The following VIPR2 variants were observed in gnomAD, a reference collection of about 807,000 sequenced individuals.
VIPR2 encodes vasoactive intestinal peptide receptor 2, also known as vasoactive intestinal polypeptide receptor 2.
Under a neutral mutation model 58.0 loss-of-function variants are expected in VIPR2, and 48 were observed. The observed-to-expected ratio is 0.83, with a 90% CI of 0.66 to 1.05. The LOEUF is 1.05. Among genes scored for constraint, VIPR2 ranks in the 50% least tolerant of loss-of-function variants. The probability of loss-of-function intolerance (pLI) is 0.00; values close to 1 mark genes in which losing one functional copy is unlikely to be tolerated. For synonymous variants in VIPR2, 243 were observed against 235.2 expected, an observed-to-expected ratio of 1.03 and a Z score of -0.30; for missense variants, 534 against 558.0, an observed-to-expected ratio of 0.96 and a Z score of 0.43.
At position 159,127,072 on chromosome 7, in the gene VIPR2, C is replaced by T. The variant is rs924098371; in HGVS notation, c.151+15374G>A. Among the ~76,000 whole-genome samples the T allele has an allele frequency of 2.6e-5, 4 of 152,296 alleles. No individual in the cohort carries two copies. Among genetic ancestry groups the T allele is most frequent in the Admixed American group, 2.0e-4 (3 of 15,310 alleles). On this transcript the variant is annotated intron_variant, in intron 2 of 12. Transcript: ENST00000262178. This position sits in a 1 kb window ranked among gnomAD's most constrained non-coding sequence, Gnocchi z 4.6. ...GGAGACAATGCCCCACAGCAGAGCG[C>T]GGTCTCCAAACGTGTTTAGAATGCT...
intron 4 of VIPR2, among the ~76,000 whole-genome samples, chr7:159,070,046 C>CGGTA (rs1349863185): frequency 1.3e-5 from 2 of 152,134 alleles, no homozygotes; most frequent in African/African-American, 4.8e-5. Context: ...TTGCTTTGTC[C>CGGTA]GGTACCTCCA....
intron 2 of VIPR2, among the ~76,000 whole-genome samples, chr7:159,122,914 C>T (rs576989000): frequency 4.6e-4 from 70 of 152,170 alleles, no homozygotes; most frequent in African/African-American, 1.7e-3. Context: ...GTCATGGGAG[C>T]TTGTTGTGCA....
intron 7 of VIPR2, 24 bp from the exon 8 acceptor site, chr7:159,036,036 C>T (rs1280038946): frequency 6.2e-7 from 1 of 1,610,156 alleles, no homozygotes; most frequent in African/African-American, 1.3e-5. Context: ...CCTGGTTACA[C>T]AGGTGGAGCG....
chr7:159,124,041 A>G (rs1337789470), intron 2 of VIPR2, among the ~76,000 whole-genome samples: 1 of 152,144 alleles, frequency 6.6e-6, no homozygotes, highest in East Asian at 1.9e-4. Flanking sequence ...TAGATGCTGG[A>G]TATTAGACCT....
At chr7:159,042,814 C>T (rs541540544) in intron 6 of VIPR2, among the ~76,000 whole-genome samples, 6 of 152,280 alleles carry the variant, frequency 3.9e-5, no homozygotes, top group Non-Finnish European at 8.8e-5. Context: ...CCTGATGATG[C>T]CTGGGAACCC....
chr7:159,097,429 C>T lies in VIPR2; in HGVS notation c.357+6328G>A, dbSNP rs1208593920. 2.0e-5 allele frequency among the ~76,000 whole-genome samples: 3 copies of T among 152,202 alleles called. No homozygotes were observed. The highest frequency in any genetic ancestry group is 2.9e-5 in the Non-Finnish European group (2 of 68,034). ...AGACTTACGGGAGCCGGCCCCCTCGCGTGCCCACCACGGTGTGCTGCTGAG... is the reference window on the plus strand; with the variant it reads ...AGACTTACGGGAGCCGGCCCCCTCGTGTGCCCACCACGGTGTGCTGCTGAG... On this transcript the variant is annotated intron_variant, in intron 4 of 12. Transcript: ENST00000262178. The surrounding 1 kb of genome is among the most constrained non-coding windows in gnomAD (Gnocchi z 5.3).
intron 2 of VIPR2, among the ~76,000 whole-genome samples, chr7:159,125,024 G>A (rs963109469): frequency 1.3e-5 from 2 of 152,182 alleles, no homozygotes; most frequent in Non-Finnish European, 2.9e-5. Context: ...ATCAGCTGAA[G>A]GAGCTTTTCG....
intron 3 of VIPR2, among the ~76,000 whole-genome samples, chr7:159,107,867 C>T (rs2129496177): frequency 6.6e-6 from 1 of 152,352 alleles, no homozygotes; most frequent in East Asian, 1.9e-4. Flanking sequence ...TGTGATGATG[C>T]ACAGTGCCGG....
Position 159,043,080 on chromosome 7 carries a change from G to T in VIPR2, c.552C>A (p.Tyr184Ter), listed in dbSNP as rs769463655. The T allele has an allele frequency of 1.7e-5, 27 of 1,614,086 alleles. No homozygotes were observed. The highest frequency in any genetic ancestry group is 2.2e-5 in the Non-Finnish European group (26 of 1,180,052). Reference protein sequence around the residue: ...ISVLVKDDVLYSSSGTLHCPD... With the variant: ...ISVLVKDDVL ...GGCAGTGCAACGTGCCAGAGCTGGAGTAGAGAACGTCGTCCTTGACCAGCA... is the reference window on the plus strand; with the variant it reads ...GGCAGTGCAACGTGCCAGAGCTGGATTAGAGAACGTCGTCCTTGACCAGCA... The change falls in exon 6 of 13, where the codon TAC (tyrosine) becomes TAA (stop). Residue 184 changes from tyrosine to a stop codon, truncating the protein, a stop_gained. Coordinates refer to ENST00000262178, the MANE Select transcript of VIPR2 (RefSeq NM_003382.5). LOFTEE classifies it high-confidence loss of function.
intron 4 of VIPR2, among the ~76,000 whole-genome samples, chr7:159,081,617 T>C (rs1856907334): frequency 6.6e-6 from 1 of 151,986 alleles, no homozygotes; most frequent in Non-Finnish European, 1.5e-5. Context: ...AATTGACAAA[T>C]GGGATCTAAT....
intron 2 of VIPR2, among the ~76,000 whole-genome samples, chr7:159,114,713 G>A (rs564089138): frequency 6.6e-6 from 1 of 152,170 alleles, no homozygotes; most frequent in East Asian, 1.9e-4. Flanking sequence ...GGCTGAGGTA[G>A]GAGGATTGCT....
At chr7:159,047,034 A>G (rs1055528392) in intron 5 of VIPR2, among the ~76,000 whole-genome samples, 1 of 152,336 alleles carries the variant, frequency 6.6e-6, no homozygotes, top group Admixed American at 6.5e-5. Context: ...CAGGAGTTCA[A>G]GACCAGCCTG....
rs1336155819 is a variant in VIPR2, at chr7:159,098,292, T to C, written c.357+5465A>G. On this transcript the variant is annotated intron_variant, in intron 4 of 12. Coordinates refer to ENST00000262178, the MANE Select transcript of VIPR2 (RefSeq NM_003382.5). The surrounding 1 kb of genome is among the most constrained non-coding windows in gnomAD (Gnocchi z 5.2). Reference sequence around the variant, plus strand: ...CGAGCCCTCAGTCTGCTGGTGGTGGTGCTCGAGAACTGTGGCTTACAGTGC... The same window carrying C: ...CGAGCCCTCAGTCTGCTGGTGGTGGCGCTCGAGAACTGTGGCTTACAGTGC... Among the ~76,000 whole-genome samples, 1 of 152,060 alleles carries C rather than the reference T, an allele frequency of 6.6e-6. No individual in the cohort carries two copies. The highest frequency in any genetic ancestry group is 2.4e-5 in the African/African-American group (1 of 41,432).
At chr7:159,055,249 A>G (rs1006986778) in intron 5 of VIPR2, among the ~76,000 whole-genome samples, 1 of 152,230 alleles carries the variant, frequency 6.6e-6, no homozygotes, top group Non-Finnish European at 1.5e-5. Flanking sequence ...ACGTTTTCAA[A>G]AAGAGAAAAG....
At chr7:159,049,824 C>CAAACCAGA (rs1854879696) in intron 5 of VIPR2, among the ~76,000 whole-genome samples, 1 of 152,168 alleles carries the variant, frequency 6.6e-6, no homozygotes, top group South Asian at 2.1e-4. Context: ...AGAGTAACAA[C>CAAACCAGA]AAACCAGAGA....
chr7:159,132,265 T>G (rs1466320253), intron 2 of VIPR2, among the ~76,000 whole-genome samples: 2 of 142,896 alleles, frequency 1.4e-5, no homozygotes, highest in East Asian at 2.0e-4. Context: ...CTGCACCCAC[T>G]GCTGTCTTGC....
At chr7:159,037,050 C>T (rs1854012874) in intron 6 of VIPR2, 148 bp from the exon 7 acceptor site, 2 of 1,022,322 alleles carry the variant, frequency 2.0e-6, no homozygotes, top group African/African-American at 3.2e-5. Flanking sequence ...GTGATTAACA[C>T]AGAGGCCAGG....
intron 2 of VIPR2, among the ~76,000 whole-genome samples, chr7:159,130,022 G>A (rs1796831987): frequency 6.7e-6 from 1 of 149,260 alleles, no homozygotes; most frequent in South Asian, 2.1e-4. Context: ...ACTGGCCTCT[G>A]GGGGGGACAG....
intron 4 of VIPR2, 70 bp from the exon 5 acceptor site, chr7:159,058,648 G>T (rs1855462222): frequency 1.7e-6 from 2 of 1,202,910 alleles, no homozygotes; most frequent in Non-Finnish European, 2.5e-6. Flanking sequence ...AATGGTTCCA[G>T]GATCCAGCCC....
Sources: gnomAD v4.1 joint callset for allele counts (sites outside exome capture counted in the v4.1 genomes callset) on GRCh38, gnomAD v4.1.1 for gene constraint, Gnocchi (gnomAD v3.1) non-coding constraint, MANE v1.5 for transcripts, NCBI Gene and HGNC (gene_info 2026-07-23, HGNC 2026-07-21) for gene names.